The following TENM3 variants were observed in gnomAD, a reference collection of about 807,000 sequenced individuals.
The protein encoded by TENM3 is teneurin transmembrane protein 3.
Under a neutral mutation model 255.1 loss-of-function variants are expected in TENM3, and 63 were observed. The ratio of observed to expected loss-of-function variants is 0.25; its 90% confidence interval spans 0.20 to 0.30. The LOEUF is 0.30. Among genes scored for constraint, TENM3 ranks in the 10% least tolerant of loss-of-function variants. The pLI is 1.00. For missense variants in TENM3, 2,929 were observed against 3,461.1 expected, an observed-to-expected ratio of 0.85 and a Z score of 3.86; for synonymous variants, 1,306 against 1,322.3, an observed-to-expected ratio of 0.99 and a Z score of 0.27.
the TENM3 span, among the ~76,000 whole-genome samples, chr4:181,698,041 T>C: frequency 2.0e-5 from 3 of 151,746 alleles, no homozygotes; most frequent in Non-Finnish European, 4.4e-5. Context: ...AGTGAAACCC[T>C]GTCTCTACTA....
the TENM3 span, among the ~76,000 whole-genome samples, chr4:182,043,592 ATCTC>A: frequency 6.6e-6 from 1 of 152,156 alleles, no homozygotes; most frequent in Non-Finnish European, 1.5e-5. Flanking sequence ...TGAAAAACCT[ATCTC>A]TCTGTCTAGT....
intron 13 of TENM3, among the ~76,000 whole-genome samples, chr4:182,722,847 T>C (rs1759854109): frequency 6.6e-6 from 1 of 151,904 alleles, no homozygotes; most frequent in Non-Finnish European, 1.5e-5. Flanking sequence ...GAGAAAGAAA[T>C]AGACTAATTC....
chr4:182,254,508 G>A (rs1270747337), intron 1 of TENM3, among the ~76,000 whole-genome samples: 3 of 152,058 alleles, frequency 2.0e-5, no homozygotes, highest in Admixed American at 1.3e-4. Context: ...TGGCTTCCTC[G>A]AAAAAGACTG....
chr4:181,884,198 G>A, the TENM3 span, among the ~76,000 whole-genome samples: 1 of 151,996 alleles, frequency 6.6e-6, no homozygotes, highest in Non-Finnish European at 1.5e-5. Context: ...GTTAGTTCAA[G>A]GTCTCCTGTC....
In TENM3 at chr4:182,800,746, A is replaced by T. The variant is rs948770192; in HGVS notation, c.*395A>T. ...CGAATTGTCGACCTTTGCTTACAAGAAGTAGTCTGTCTGCATAGGATGTGA... is the reference window on the plus strand; with the variant it reads ...CGAATTGTCGACCTTTGCTTACAAGTAGTAGTCTGTCTGCATAGGATGTGA... On this transcript the variant is annotated 3_prime_UTR_variant, in exon 28 of 28. Coordinates refer to ENST00000511685, the MANE Select transcript of TENM3 (RefSeq NM_001080477.4). The T allele has an allele frequency of 2.2e-4, 35 of 161,496 alleles. No individual in the cohort carries two copies. Among genetic ancestry groups the T allele is most frequent in the Non-Finnish European group, 3.7e-4 (27 of 73,208 alleles). 10.0% of individuals were successfully genotyped at this position (161,496 alleles called of 1,614,324 possible).
chr4:181,611,370 A>G, the TENM3 span, among the ~76,000 whole-genome samples: 3 of 152,202 alleles, frequency 2.0e-5, no homozygotes, highest in Non-Finnish European at 4.4e-5. Flanking sequence ...TATTTTAATC[A>G]TGGTGACTTT....
chr4:181,764,543 G>T, the TENM3 span, among the ~76,000 whole-genome samples: 7 of 152,176 alleles, frequency 4.6e-5, no homozygotes, highest in Non-Finnish European at 1.0e-4. Context: ...ACTGTGGTTG[G>T]TAAATCCACT....
chr4:181,893,258 C>T, the TENM3 span, among the ~76,000 whole-genome samples: 1 of 152,112 alleles, frequency 6.6e-6, no homozygotes. Context: ...TCTACATTCT[C>T]ATGTAACTCC....
the TENM3 span, among the ~76,000 whole-genome samples, chr4:181,912,826 C>T: frequency 2.7e-5 from 4 of 150,712 alleles, no homozygotes; most frequent in South Asian, 8.4e-4. Context: ...AGAGGTGCAG[C>T]TCAGGATTTT....
the TENM3 span, among the ~76,000 whole-genome samples, chr4:181,627,039 G>T: frequency 0.018 from 2,777 of 152,116 alleles, 96 homozygotes; most frequent in African/African-American, 0.063. Context: ...AGGTTTCCCT[G>T]CAGGAGAAAC....
intron 6 of TENM3, among the ~76,000 whole-genome samples, chr4:182,669,265 G>GTTTTTT (rs1554011612): frequency 4.8e-5 from 6 of 124,434 alleles, no homozygotes; most frequent in East Asian, 3.2e-4. Context: ...TCCATGTCAC[G>GTTTTTT]TTTTTTTTGT....
At position 182,559,756 on chromosome 4, in the gene TENM3, G is replaced by T. The variant is rs542389476; in HGVS notation, c.512-41168G>T. Among the ~76,000 whole-genome samples, 27 of 151,948 alleles carry T rather than the reference G, an allele frequency of 1.8e-4. No homozygotes were observed. The South Asian group carries it at 5.4e-3, about 30-fold the overall frequency. ...TTTATTGAAATTTAATTTGAGAAAT[G>T]GATAATTAAGAATCCTTCTACATTC... is the stretch of plus-strand genomic sequence containing the variant. On this transcript the variant is annotated intron_variant, in intron 3 of 27. Coordinates refer to ENST00000511685, the MANE Select transcript of TENM3 (RefSeq NM_001080477.4).
chr4:181,472,100 C>T, the TENM3 span, among the ~76,000 whole-genome samples: 1 of 152,144 alleles, frequency 6.6e-6, no homozygotes, highest in Non-Finnish European at 1.5e-5. Context: ...ACTATTTTCT[C>T]AGTTTCCAAG....
At chr4:181,455,976 A>G in the TENM3 span, among the ~76,000 whole-genome samples, 2 of 151,906 alleles carry the variant, frequency 1.3e-5, no homozygotes, top group African/African-American at 2.4e-5. Flanking sequence ...ATGTCTCTTA[A>G]CCAAAGAATC....
chr4:181,709,643 A>T, the TENM3 span, among the ~76,000 whole-genome samples: 1 of 152,268 alleles, frequency 6.6e-6, no homozygotes, highest in Non-Finnish European at 1.5e-5. Flanking sequence ...GCCCCTGGCC[A>T]GATCACATAC....
At chr4:181,875,504 T>G in the TENM3 span, among the ~76,000 whole-genome samples, 1 of 152,028 alleles carries the variant, frequency 6.6e-6, no homozygotes, top group Non-Finnish European at 1.5e-5. Flanking sequence ...TTAAATGTGG[T>G]CAAAATGTGT....
At chr4:182,324,801 TAA>T (rs1240366988) in intron 2 of TENM3, among the ~76,000 whole-genome samples, 2 of 152,206 alleles carry the variant, frequency 1.3e-5, no homozygotes, top group Admixed American at 1.3e-4. Context: ...GGCAACCTAG[TAA>T]ATTAAGTTTA....
the TENM3 span, among the ~76,000 whole-genome samples, chr4:182,008,425 C>A: frequency 9.2e-5 from 14 of 152,042 alleles, no homozygotes; most frequent in African/African-American, 3.4e-4. Flanking sequence ...GGAGGCTTTG[C>A]TCATTCCTTG....
At chr4:181,524,866 C>T in the TENM3 span, among the ~76,000 whole-genome samples, 5 of 152,258 alleles carry the variant, frequency 3.3e-5, no homozygotes, top group East Asian at 1.9e-4. Flanking sequence ...CCTCGGACCA[C>T]GCACCCTCAA....
Sources: allele counts gnomAD v4.1 joint callset (sites outside exome capture counted in the v4.1 genomes callset), GRCh38; gene constraint gnomAD v4.1.1; transcripts MANE v1.5; gene names NCBI Gene and HGNC (gene_info 2026-07-23, HGNC 2026-07-21).